The following ZPBP variants were observed in gnomAD, a reference collection of about 807,000 sequenced individuals.
The protein encoded by ZPBP is zona pellucida binding protein.
In ZPBP, 26 loss-of-function variants were observed where a neutral mutation model predicts 44.8. The observed-to-expected ratio is 0.58, with a 90% CI of 0.43 to 0.81. ZPBP has a LOEUF of 0.81. ZPBP is among the 30% of genes least tolerant of loss of function. The pLI, the probability that ZPBP is intolerant of heterozygous loss-of-function variation, is 0.00. For missense variants in ZPBP, 409 were observed against 434.0 expected, an observed-to-expected ratio of 0.94 and a Z score of 0.51; for synonymous variants, 174 against 153.2, an observed-to-expected ratio of 1.14 and a Z score of -1.00.
At chr7:50,041,644 T>C (rs1228936166) in intron 4 of ZPBP, among the ~76,000 whole-genome samples, 2 of 151,846 alleles carry the variant, frequency 1.3e-5, no homozygotes, top group South Asian at 2.1e-4. Context: ...AAAAACCCCA[T>C]CCAAAGGTCA....
chr7:50,044,077 C>A (rs536061787), intron 4 of ZPBP, among the ~76,000 whole-genome samples: 1 of 152,144 alleles, frequency 6.6e-6, no homozygotes, highest in Non-Finnish European at 1.5e-5. Context: ...GGGTAAATGA[C>A]AAAATTAAGG....
chr7:49,843,088 C>A, the ZPBP span, among the ~76,000 whole-genome samples: 3 of 152,130 alleles, frequency 2.0e-5, no homozygotes, highest in Non-Finnish European at 2.9e-5. Context: ...CTCCAGCAGT[C>A]CCCAGTGTCT....
chr7:49,911,201 G>A (rs572281673), intron 1 of ZPBP, among the ~76,000 whole-genome samples: 24 of 152,084 alleles, frequency 1.6e-4, no homozygotes, highest in African/African-American at 5.3e-4. Context: ...AATTTTAAAT[G>A]GGCTGGGAGC....
rs1410544165 is a variant in ZPBP at position 50,093,246 on chromosome 7, C to T, written c.-52G>A. The T allele has an allele frequency of 1.4e-6, 2 of 1,461,418 alleles. No homozygotes were observed. The highest frequency in any genetic ancestry group is 1.8e-6 in the Non-Finnish European group (2 of 1,113,346). The allele number at this position is 1,461,418 out of a possible 1,614,324, so 90.5% of individuals were successfully genotyped here. On this transcript the variant is annotated 5_prime_UTR_variant, in exon 1 of 8. Transcript: ENST00000046087. ...GTCCGCGCGGAAGGTCGTTAGGCAACGCGCGCCCACCTGCAGCCGGAAGTT... is the reference window on the plus strand; with the variant it reads ...GTCCGCGCGGAAGGTCGTTAGGCAATGCGCGCCCACCTGCAGCCGGAAGTT...
intron 4 of ZPBP, among the ~76,000 whole-genome samples, chr7:50,046,948 T>C (rs542617480): frequency 6.6e-6 from 1 of 152,172 alleles, no homozygotes; most frequent in East Asian, 1.9e-4. Context: ...ACGCACACCA[T>C]GGAATAGTAT....
intron 2 of ZPBP, among the ~76,000 whole-genome samples, chr7:49,897,883 CAG>C (rs1377799482): frequency 6.6e-6 from 1 of 152,202 alleles, no homozygotes; most frequent in Non-Finnish European, 1.5e-5. Context: ...AAGGTTCTCA[CAG>C]TGAATATTAG....
At chr7:50,039,693 T>A (rs1799977536) in intron 4 of ZPBP, among the ~76,000 whole-genome samples, 1 of 152,146 alleles carries the variant, frequency 6.6e-6, no homozygotes, top group African/African-American at 2.4e-5. Context: ...CCACAAATGA[T>A]AAATAAGAAG....
At chr7:50,033,176 T>C (rs1348046421) in intron 4 of ZPBP, among the ~76,000 whole-genome samples, 1 of 152,186 alleles carries the variant, frequency 6.6e-6, no homozygotes, top group African/African-American at 2.4e-5. Context: ...AACATTTGCC[T>C]TTCTCTCTGA....
In ZPBP at chr7:49,885,749, G is replaced by A. The variant is rs528289484; in HGVS notation, n.509+15369C>T. On this transcript the variant is annotated intron_variant and non_coding_transcript_variant, in intron 2 of 2. Transcript: ENST00000465922. Reference sequence around the variant, plus strand: ...AGAAATTGGGGCTAATTTTAGATGCGGTTAAAGTATTGATTTATGAGTGCA... The same window carrying A: ...AGAAATTGGGGCTAATTTTAGATGCAGTTAAAGTATTGATTTATGAGTGCA... Among the ~76,000 whole-genome samples the A allele has an allele frequency of 3.3e-5, 5 of 152,312 alleles. 1 individual carries two copies. The highest frequency in any genetic ancestry group is 7.2e-5 in the African/African-American group (3 of 41,566).
At chr7:49,857,951 A>C (rs761860944) in intron 2 of ZPBP, among the ~76,000 whole-genome samples, 12 of 152,222 alleles carry the variant, frequency 7.9e-5, no homozygotes, top group Non-Finnish European at 1.8e-4. Context: ...AGATGAGACC[A>C]CACAGGCTTT....
At chr7:49,853,521 C>T (rs1257809347) in intron 2 of ZPBP, among the ~76,000 whole-genome samples, 1 of 151,918 alleles carries the variant, frequency 6.6e-6, no homozygotes, top group African/African-American at 2.4e-5. Context: ...TAAGATAGGT[C>T]CTAAGTTTTT....
chr7:49,888,965 C>G (rs914304920), intron 2 of ZPBP, among the ~76,000 whole-genome samples: 1 of 152,008 alleles, frequency 6.6e-6, no homozygotes, highest in Non-Finnish European at 1.5e-5. Flanking sequence ...CCTCAGCAGA[C>G]ATATGGAGGA....
intron 4 of ZPBP, among the ~76,000 whole-genome samples, chr7:50,038,340 T>C (rs182896384): frequency 3.9e-5 from 6 of 152,320 alleles, no homozygotes; most frequent in Non-Finnish European, 7.4e-5. Context: ...ATAGATTCAC[T>C]GGCGTTATAA....
intron 7 of ZPBP, among the ~76,000 whole-genome samples, chr7:49,938,790 G>A (rs1213261159): frequency 1.3e-5 from 2 of 151,884 alleles, no homozygotes; most frequent in African/African-American, 4.8e-5. Context: ...GTTTATTATG[G>A]GCCATCAAAG....
chr7:49,916,472 T>C (rs972577093), intron 1 of ZPBP: 15 of 152,340 alleles, frequency 9.8e-5, no homozygotes, highest in Non-Finnish European at 1.9e-4. Context: ...ATTGGAAGAA[T>C]TGTCACTCTA....
chr7:49,937,603 T>C lies in ZPBP; in HGVS notation c.981A>G (p.Ser327=), dbSNP rs1470278773. The change falls in exon 8 of 8, where the codon TCA becomes TCG. Residue 327 remains serine (S), a synonymous_variant. Coordinates refer to ENST00000046087, the MANE Select transcript of ZPBP (RefSeq NM_007009.3). ...AATGAATTCCATCACGGGGGTTATA[T>C]GATCCAGGGCTGCAGATCACTGTGA... The part of the protein sequence containing the change: ...PECCVICSPG[S]YNPRDGIHCL... 2 of 1,613,756 alleles carry C rather than the reference T, an allele frequency of 1.2e-6. No homozygotes were observed. The highest frequency in any genetic ancestry group is 1.7e-6 in the Non-Finnish European group (2 of 1,179,814).
downstream of ZPBP, among the ~76,000 whole-genome samples, chr7:49,933,961 G>C (rs544049787): frequency 1.1e-4 from 17 of 150,872 alleles, no homozygotes; most frequent in African/African-American, 3.9e-4. Flanking sequence ...TAAATGACGA[G>C]TTAATGGGTG....
intron 2 of ZPBP, among the ~76,000 whole-genome samples, chr7:49,893,566 A>G (rs997304485): frequency 2.0e-5 from 3 of 152,120 alleles, no homozygotes; most frequent in Admixed American, 6.5e-5. Context: ...GAACAAATAA[A>G]TGTGCACAAA....
In ZPBP at chr7:50,037,645, T is replaced by C. The variant is rs150690639; in HGVS notation, c.488-6335A>G. ...GAGGAAATCCGCCCCCATGATCTAA[T>C]CACCTCCCAACAGGTCCTTCCCCCA... On this transcript the variant is annotated intron_variant, in intron 4 of 7. Coordinates refer to ENST00000046087, the MANE Select transcript of ZPBP (RefSeq NM_007009.3). 6.7e-4 allele frequency among the ~76,000 whole-genome samples: 102 copies of C among 152,236 alleles called. 1 individual carries two copies. The highest frequency in any genetic ancestry group is 8.1e-4 in the Non-Finnish European group (55 of 68,002).
Sources: gnomAD v4.1 joint callset for allele counts (sites outside exome capture counted in the v4.1 genomes callset) on GRCh38, gnomAD v4.1.1 for gene constraint, MANE v1.5 for transcripts, NCBI Gene and HGNC (gene_info 2026-07-23, HGNC 2026-07-21) for gene names.